Variants in MYO15A observed in about 807,000 individuals in gnomAD.
MYO15A encodes the protein unconventional myosin-XV.
In MYO15A, 308 loss-of-function variants were observed where a neutral mutation model predicts 394.6. That is an observed-to-expected ratio of 0.78 (90% CI 0.71 to 0.86). The LOEUF (loss-of-function observed/expected upper bound fraction) is 0.86. Ranked by LOEUF, MYO15A falls within the 40% of genes least tolerant of loss-of-function variation. MYO15A has a pLI of 0.00. For missense variants in MYO15A, 4,606 were observed against 4,799.1 expected (o/e 0.96, Z 1.19); for synonymous variants, 1,957 against 2,003.8 (o/e 0.98, Z 0.62).
chr17:18,172,431 T>A, intron 64 of MYO15A, 141 bp downstream of exon 64: 1 of 1,268,504 alleles, frequency 7.9e-7, no homozygotes, highest in Non-Finnish European at 1.1e-6. Context: ...GTCTCTTCCC[T>A]CCTCTGAGCC....
chr17:18,157,931 G>GGGGGGC (rs2142389380), intron 51 of MYO15A, 31 bp downstream of exon 51: 4 of 412,712 alleles, frequency 9.7e-6, no homozygotes, highest in South Asian at 2.0e-5. Flanking sequence ...GTGGGGCGGG[G>GGGGGGC]TAGACCAGGG....
At chr17:18,138,387 A>G (rs1322533613) in intron 17 of MYO15A, 141 bp downstream of exon 17, 1 of 1,094,516 alleles carries the variant, frequency 9.1e-7, no homozygotes, top group Non-Finnish European at 1.3e-6. Context: ...CCTACTATTC[A>G]CAACCTGGGG....
intron 19 of MYO15A, 34 bp downstream of exon 19, chr17:18,139,645 C>G (rs1052241537): frequency 1.2e-6 from 2 of 1,610,320 alleles, no homozygotes; most frequent in Non-Finnish European, 1.7e-6. Flanking sequence ...TGGCCCTGCC[C>G]CCAGGCATGT....
intron 22 of MYO15A, 137 bp from the exon 23 acceptor site, chr17:18,141,516 G>A: frequency 2.3e-6 from 2 of 862,514 alleles, no homozygotes; most frequent in Non-Finnish European, 3.9e-6. Flanking sequence ...CCTTTTTTCA[G>A]ATTAGAATAA....
chr17:18,119,668 T>C lies in MYO15A; in HGVS notation c.868T>C (p.Tyr290His), dbSNP rs1246531927. 6.8e-6 allele frequency: 11 copies of C among 1,605,988 alleles called. No individual in the cohort carries two copies. The highest frequency in any genetic ancestry group is 1.1e-5 in the South Asian group (1 of 91,084). The change falls in exon 2 of 66, where the codon TAC (tyrosine) becomes CAC (histidine). Residue 290 changes from tyrosine to histidine, a missense_variant. Tyr to His is a moderately conservative substitution (Grantham distance 83). Around this residue, in one of 2 missense-constraint regions of MYO15A, gnomAD observed 1,830 missense variants for 1,689.7 expected, o/e 1.08. Transcript: ENST00000647165. ...CCCGCCCGAGGATCCCTACGACTAC[T>C]ACCACCCCGACTATTACGGTGGCCC... is the stretch of plus-strand genomic sequence containing the variant. ...GYPPEDPYDY[Y>H]HPDYYGGPFD...
At position 18,122,779 on chromosome 17, in the gene MYO15A, G is replaced by A. The variant is rs529132012; in HGVS notation, c.3609+370G>A. 5.8e-5 allele frequency: 14 copies of A among 239,486 alleles called. No homozygotes were observed. In the South Asian group the frequency reaches 1.0e-3, roughly 17 times the overall value. 14.8% of individuals were successfully genotyped at this position (239,486 alleles called of 1,614,324 possible). A position where few individuals can be genotyped will look rare whatever the true frequency, so the allele number is the denominator to read the frequency against. ...TGGCCAAGCCAGATGTGAAACTGCC[G>A]GACATGCCTATCCATCCTGTTCCAC... On this transcript the variant is annotated intron_variant, in intron 2 of 65. Coordinates refer to ENST00000647165, the MANE Select transcript of MYO15A (RefSeq NM_016239.4).
chr17:18,136,524 C>T, intron 14 of MYO15A, 39 bp from the exon 15 acceptor site: 1 of 1,613,862 alleles, frequency 6.2e-7, no homozygotes, highest in East Asian at 2.2e-5. Flanking sequence ...AGCACCCCAC[C>T]ACGGTGTCCT....
chr17:18,109,405 G>T, intron 1 of MYO15A: 1 of 174,794 alleles, frequency 5.7e-6, no homozygotes, highest in Non-Finnish European at 1.3e-5. Context: ...GATCAGGGCA[G>T]GCACTGCGGC....
chr17:18,159,424 C>T, intron 54 of MYO15A, 77 bp downstream of exon 54: 2 of 1,545,152 alleles, frequency 1.3e-6, no homozygotes, highest in Non-Finnish European at 8.9e-7. Flanking sequence ...GGTTGCCACT[C>T]CTCCCTGATC....
chr17:18,173,580 G>C (rs2046972351), intron 64 of MYO15A: 2 of 676,514 alleles, frequency 3.0e-6, no homozygotes, highest in East Asian at 5.6e-5. Flanking sequence ...AGTATTTGTT[G>C]AATCAATTTT....
At position 18,158,602 on chromosome 17, in the gene MYO15A, C is replaced by G. The variant is rs938255777; in HGVS notation, c.9047C>G (p.Ala3016Gly). 2 of 1,614,178 alleles carry G rather than the reference C, an allele frequency of 1.2e-6. No homozygotes were observed. Among genetic ancestry groups the G allele is most frequent in the Non-Finnish European group, 1.7e-6 (2 of 1,180,010 alleles). The change falls in exon 52 of 66, where the codon GCC becomes GGC. Residue 3016 changes from alanine to glycine, a missense_variant. By Grantham distance (60) the Ala-to-Gly change is moderately conservative (BLOSUM62 0). Coordinates refer to ENST00000647165, the MANE Select transcript of MYO15A (RefSeq NM_016239.4). ...ALPPYTMLEF[A>G]QKYFRDPQRR... ...CCACCCTACACAATGCTCGAGTTTG[C>G]CCAGAAGTATTTCCGAGACCCTCAG... is the stretch of plus-strand genomic sequence containing the variant.
Position 18,151,525 on chromosome 17 carries a change from C to G in MYO15A, c.7785C>G (p.Leu2595=), listed in dbSNP as rs1339363132. Residue 2595 remains leucine (L), a splice_region_variant and synonymous_variant, in exon 40 of 66, where the codon CTC becomes CTG. Transcript: ENST00000647165. ...TCCGGGGAGGCCGGCCTGAGGCCCTCAGGTCAGCACTGCCCCTGCCCCCAG... is the reference window on the plus strand; with the variant it reads ...TCCGGGGAGGCCGGCCTGAGGCCCTGAGGTCAGCACTGCCCCTGCCCCCAG... ...QPFRGGRPEA[L]RKDGGKVFMK... 13 of 1,614,036 alleles carry G rather than the reference C, an allele frequency of 8.1e-6. No homozygotes were observed. The highest frequency in any genetic ancestry group is 1.1e-5 in the Non-Finnish European group (13 of 1,179,992).
At chr17:18,164,288 C>A (rs1296076397) in intron 60 of MYO15A, 1 of 247,744 alleles carries the variant, frequency 4.0e-6, no homozygotes, top group East Asian at 1.2e-4. Flanking sequence ...TCCTGGGACC[C>A]TAGGTGACCG....
rs772650400 is a variant in MYO15A at position 18,120,796 on chromosome 17, C to G, written c.1996C>G (p.Pro666Ala). 7.7e-7 allele frequency: 1 copy of G among 1,303,730 alleles called. No homozygotes were observed. Among genetic ancestry groups the G allele is most frequent in the South Asian group, 1.9e-5 (1 of 52,758 alleles). 80.8% of individuals were successfully genotyped at this position (1,303,730 alleles called of 1,614,324 possible). A position where few individuals can be genotyped will look rare whatever the true frequency, so the allele number is the denominator to read the frequency against. Residue 666 changes from proline to alanine, a missense_variant, in exon 2 of 66, where the codon CCC becomes GCC. Coordinates refer to ENST00000647165, the MANE Select transcript of MYO15A (RefSeq NM_016239.4). ...GAGCGCGCTCCTGTCTCCGCCCGTG[C>G]CCCCGCGGCCCCCAAGCTCCGGGCC... is the stretch of plus-strand genomic sequence containing the variant. ...HWSALLSPPV[P>A]PRPPSSGPPP... is the part of the protein sequence containing the mutation.
chr17:18,121,649 G>T lies in MYO15A; in HGVS notation c.2849G>T (p.Arg950Leu), dbSNP rs1255530106. ...CCCTGGCCAGGAGGTGCAGGCAGCC[G>T]CCGAGGCTTTTCCAGGCCACCCCCT... ...PSPWPGGAGS[R>L]RGFSRPPPVP... Residue 950 changes from arginine (R) to leucine (L), a missense_variant, in exon 2 of 66, where the codon CGC becomes CTC. By Grantham distance (102) the Arg-to-Leu change is moderately radical. Coordinates refer to ENST00000647165, the MANE Select transcript of MYO15A (RefSeq NM_016239.4). This position sits in a 1 kb window ranked among gnomAD's most constrained non-coding sequence, Gnocchi z 5.3. 2 of 1,333,486 alleles carry T rather than the reference G, an allele frequency of 1.5e-6. No homozygotes were observed. Among genetic ancestry groups the T allele is most frequent in the Non-Finnish European group, 2.0e-6 (2 of 1,005,218 alleles). 82.6% of individuals were successfully genotyped at this position (1,333,486 alleles called of 1,614,324 possible). A position where few individuals can be genotyped will look rare whatever the true frequency, so the allele number is the denominator to read the frequency against.
Position 18,140,703 on chromosome 17 carries a change from A to G in MYO15A, c.5360+38A>G. ...GCAGGTGGGCGGAGCACCCAGCCTC[A>G]TCCTTAACCCACCTCATGACCCTCA... On this transcript the variant is annotated intron_variant, in intron 20 of 65. Transcript: ENST00000647165. 4 of 1,614,054 alleles carry G rather than the reference A, an allele frequency of 2.5e-6. No individual in the cohort carries two copies. In the South Asian group the frequency reaches 4.4e-5, roughly 18 times the overall value.
chr17:18,132,725 G>C lies in MYO15A; in HGVS notation c.4320+159G>C, dbSNP rs769635352. 2.4e-4 allele frequency among the ~76,000 whole-genome samples: 37 copies of C among 152,334 alleles called. 1 individual carries two copies. Among genetic ancestry groups the C allele is most frequent in the East Asian group, 5.8e-4 (3 of 5,182 alleles). On this transcript the variant is annotated intron_variant, in intron 11 of 65. Coordinates refer to ENST00000647165, the MANE Select transcript of MYO15A (RefSeq NM_016239.4). The surrounding 1 kb of genome is among the most constrained non-coding windows in gnomAD (Gnocchi z 4.6). The stretch of plus-strand genomic sequence containing the variant: ...TTTAAGACATCTCATGGCAGTGAGG[G>C]GGACCAGGAGTCTTCTGGGTCCAAA...
chr17:18,149,039 G>GGCAGAAGGC (rs1349496077), intron 33 of MYO15A, 87 bp downstream of exon 33: 1 of 1,514,216 alleles, frequency 6.6e-7, no homozygotes, highest in Non-Finnish European at 8.9e-7. Context: ...GCCCCTCCCA[G>GGCAGAAGGC]CTGCTGGGAC....
At chr17:18,175,633 C>T (rs1166382797) in intron 65 of MYO15A, among the ~76,000 whole-genome samples, 1 of 152,048 alleles carries the variant, frequency 6.6e-6, no homozygotes, top group Non-Finnish European at 1.5e-5. Context: ...GTCTGGGTCT[C>T]TCCCCAGGGC....
Sources: gnomAD v4.1 joint callset for allele counts (sites outside exome capture counted in the v4.1 genomes callset) on GRCh38, gnomAD v4.1.1 for gene constraint, gnomAD v4.1.1 regional missense constraint, Gnocchi (gnomAD v3.1) non-coding constraint, MANE v1.5 for transcripts, NCBI Gene and HGNC (gene_info 2026-07-23, HGNC 2026-07-21) for gene names.